The following SAMTOR variants were observed in gnomAD, a reference collection of about 807,000 sequenced individuals.
The protein encoded by SAMTOR is UPF0532 protein C7orf60.
the SAMTOR span, among the ~76,000 whole-genome samples, chr7:112,907,845 A>T: frequency 6.9e-6 from 1 of 144,704 alleles, no homozygotes; most frequent in African/African-American, 2.5e-5. Context: ...TTACTTACTT[A>T]TTTATTTATT....
chr7:112,918,435 C>G, the SAMTOR span, among the ~76,000 whole-genome samples: 6 of 152,194 alleles, frequency 3.9e-5, no homozygotes, highest in Admixed American at 6.5e-5. Context: ...CCTAAAAGAG[C>G]TCCTGAAGGA....
the SAMTOR span, among the ~76,000 whole-genome samples, chr7:112,822,683 C>T: frequency 1.3e-5 from 2 of 151,966 alleles, no homozygotes; most frequent in African/African-American, 4.8e-5. Flanking sequence ...TAGGAGTTTA[C>T]AGGAATGACA....
At chr7:112,906,065 A>G in the SAMTOR span, among the ~76,000 whole-genome samples, 3 of 152,222 alleles carry the variant, frequency 2.0e-5, no homozygotes, top group Non-Finnish European at 4.4e-5. Context: ...TCATCCATAT[A>G]TATATGTACA....
chr7:112,921,953 C>G, the SAMTOR span, among the ~76,000 whole-genome samples: 39 of 151,136 alleles, frequency 2.6e-4, no homozygotes, highest in South Asian at 1.7e-3. Flanking sequence ...CCCCCTCTCC[C>G]TCTCCCTCTC....
chr7:112,830,037 T>C, the SAMTOR span, among the ~76,000 whole-genome samples: 4 of 152,106 alleles, frequency 2.6e-5, no homozygotes, highest in South Asian at 2.1e-4. Context: ...TTATTTTCAG[T>C]AGACCATTCT....
the SAMTOR span, among the ~76,000 whole-genome samples, chr7:112,929,464 A>G: frequency 6.6e-6 from 1 of 152,086 alleles, no homozygotes; most frequent in South Asian, 2.1e-4. Context: ...GATGTGAAGA[A>G]AAGTGAATCC....
chr7:112,873,652 A>C, the SAMTOR span, among the ~76,000 whole-genome samples: 1 of 152,148 alleles, frequency 6.6e-6, no homozygotes, highest in Non-Finnish European at 1.5e-5. Flanking sequence ...ACATTGGCCT[A>C]GGCAAAGAAT....
chr7:112,934,587 T>C, the SAMTOR span, among the ~76,000 whole-genome samples: 2 of 152,216 alleles, frequency 1.3e-5, no homozygotes, highest in African/African-American at 2.4e-5. Flanking sequence ...TTATTAACTT[T>C]AGATCAGGTT....
chr7:112,895,297 T>C, the SAMTOR span, among the ~76,000 whole-genome samples: 3 of 151,688 alleles, frequency 2.0e-5, no homozygotes, highest in Non-Finnish European at 4.4e-5. Flanking sequence ...TATAATTATG[T>C]AACAATGTAT....
the SAMTOR span, among the ~76,000 whole-genome samples, chr7:112,896,200 C>T: frequency 9.2e-5 from 14 of 152,010 alleles, no homozygotes; most frequent in East Asian, 5.8e-4. Flanking sequence ...CGTGCACGCG[C>T]GCACGCGCGT....
chr7:112,854,289 T>G, the SAMTOR span, among the ~76,000 whole-genome samples: 2 of 152,106 alleles, frequency 1.3e-5, no homozygotes, highest in Admixed American at 6.6e-5. Context: ...TAAAGATTAT[T>G]GGTTTTGATT....
At chr7:112,926,230 AG>A in the SAMTOR span, among the ~76,000 whole-genome samples, 1 of 152,324 alleles carries the variant, frequency 6.6e-6, no homozygotes, top group South Asian at 2.1e-4. Context: ...GTGAGGACAA[AG>A]GGTGTGCTAT....
chr7:112,922,819 C>T, the SAMTOR span, among the ~76,000 whole-genome samples: 378 of 150,448 alleles, frequency 2.5e-3, 2 homozygotes, highest in Admixed American at 5.3e-3. Flanking sequence ...CCGCCCCGTC[C>T]GGGAGGGAGG....
chr7:112,879,914 C>T, the SAMTOR span, among the ~76,000 whole-genome samples: 1 of 152,130 alleles, frequency 6.6e-6, no homozygotes, highest in Non-Finnish European at 1.5e-5. Flanking sequence ...ACATATAAGT[C>T]TAGTTAACCT....
At chr7:112,866,756 G>A in the SAMTOR span, among the ~76,000 whole-genome samples, 1 of 152,158 alleles carries the variant, frequency 6.6e-6, no homozygotes, top group Non-Finnish European at 1.5e-5. Context: ...CTCCACTATA[G>A]GTCCCAAACA....
At chr7:112,845,766 A>C in the SAMTOR span, among the ~76,000 whole-genome samples, 1 of 152,240 alleles carries the variant, frequency 6.6e-6, no homozygotes, top group African/African-American at 2.4e-5. Context: ...TCATTTTACC[A>C]TAAAGACACA....
chr7:112,867,786 G>A, the SAMTOR span, among the ~76,000 whole-genome samples: 1 of 152,168 alleles, frequency 6.6e-6, no homozygotes, highest in Non-Finnish European at 1.5e-5. Context: ...ATATTTAAAA[G>A]CAAAACATGA....
chr7:112,854,498 T>C, the SAMTOR span, among the ~76,000 whole-genome samples: 6 of 152,318 alleles, frequency 3.9e-5, no homozygotes, highest in African/African-American at 1.2e-4. Context: ...TATTGGCTCA[T>C]AGAATTAATG....
the SAMTOR span, among the ~76,000 whole-genome samples, chr7:112,842,075 A>G: frequency 2.6e-5 from 4 of 151,988 alleles, no homozygotes; most frequent in Non-Finnish European, 5.9e-5. Context: ...GTTTTCATAC[A>G]TGCTTAGTAA....
Sources: allele counts gnomAD v4.1 joint callset (sites outside exome capture counted in the v4.1 genomes callset), GRCh38; gene constraint gnomAD v4.1.1; transcripts MANE v1.5; gene names NCBI Gene and HGNC (gene_info 2026-07-23, HGNC 2026-07-21).